The following CARNMT1 variants were observed in gnomAD, a reference collection of about 807,000 sequenced individuals.
CARNMT1 encodes carnosine N-methyltransferase 1, also known as protein-L-histidine N-pros-methyltransferase CARNMT1.
Under a neutral mutation model 49.6 loss-of-function variants are expected in CARNMT1, and 28 were observed. The ratio of observed to expected loss-of-function variants is 0.56; its 90% CI spans 0.42 to 0.77. CARNMT1 has a LOEUF of 0.77. Among genes scored for constraint, CARNMT1 ranks in the 30% least tolerant of loss-of-function variants. The pLI, the probability that CARNMT1 is intolerant of heterozygous loss-of-function variation, is 0.00. For synonymous variants in CARNMT1, 178 were observed against 175.0 expected, an observed-to-expected ratio of 1.02 and a Z score of -0.13; for missense variants, 421 against 512.6, an observed-to-expected ratio of 0.82 and a Z score of 1.73.
intron 5 of CARNMT1, 82 bp downstream of exon 5, chr9:74,998,516 C>T: frequency 8.5e-7 from 1 of 1,170,280 alleles, no homozygotes; most frequent in Non-Finnish European, 1.2e-6. Context: ...AATGAATGAT[C>T]TAAACCTTGG....
chr9:74,983,895 C>CA, intron 7 of CARNMT1, 27 bp from the exon 8 acceptor site: 1 of 1,505,776 alleles, frequency 6.6e-7, no homozygotes, highest in Non-Finnish European at 9.1e-7. Context: ...AATCATAATA[C>CA]TATGACAGTC....
chr9:74,984,007 G>A lies in CARNMT1; in HGVS notation c.1129-139C>T. The A allele has an allele frequency of 1.5e-5, 7 of 465,122 alleles. No individual in the cohort carries two copies. The South Asian group carries it at 4.0e-4, about 26-fold the overall frequency. The allele number at this position is 465,122 out of a possible 1,614,324, so 28.8% of individuals were successfully genotyped here. ...TACATACAACTACCCCCATAAGAGA[G>A]GTACTATTAATATTAGTAGTCTCAC... On this transcript the variant is annotated intron_variant, in intron 7 of 7. Transcript: ENST00000376834.
chr9:75,028,175 C>T lies in CARNMT1; in HGVS notation c.67G>A (p.Gly23Ser). ...RLPEGCGGGG[G>S]GSEEVEVQFS... ...TGCACTTCCACCTCCTCGCTGCCAC[C>T]GCCTCCTCCCCCGCAGCCCTCGGGC... The change falls in exon 1 of 8, where the codon GGT becomes AGT. Residue 23 changes from glycine to serine, a missense_variant. Gly to Ser is a moderately conservative substitution (Grantham distance 56). Transcript: ENST00000376834. 1 of 1,520,914 alleles carries T rather than the reference C, an allele frequency of 6.6e-7. No individual in the cohort carries two copies. The allele number at this position is 1,520,914 out of a possible 1,614,324, so 94.2% of individuals were successfully genotyped here. A position where few individuals can be genotyped will look rare whatever the true frequency, so the allele number is the denominator to read the frequency against.
At position 74,983,003 on chromosome 9, in the gene CARNMT1, T is replaced by C. The variant is rs188355474; in HGVS notation, c.*764A>G. On this transcript the variant is annotated 3_prime_UTR_variant, in exon 8 of 8. Transcript: ENST00000376834. ...GCCTGTGATGCTATTAAATTTAACA[T>C]TTCATAAAAAAGAAATGTTTGATGC... The C allele has an allele frequency of 1.3e-5, 2 of 152,306 alleles. No homozygotes were observed. The highest frequency in any genetic ancestry group is 4.8e-5 in the African/African-American group (2 of 41,560). 9.4% of individuals were successfully genotyped at this position (152,306 alleles called of 1,614,324 possible).
At chr9:74,990,213 C>T (rs895288248) in intron 6 of CARNMT1, among the ~76,000 whole-genome samples, 2 of 152,050 alleles carry the variant, frequency 1.3e-5, no homozygotes, top group South Asian at 2.1e-4. Context: ...AAACTGTGCA[C>T]AGTATTAAAA....
At chr9:75,023,682 C>T (rs554042156) in intron 1 of CARNMT1, among the ~76,000 whole-genome samples, 1 of 152,352 alleles carries the variant, frequency 6.6e-6, no homozygotes, top group Non-Finnish European at 1.5e-5. Flanking sequence ...CATGCTTACG[C>T]TATCAGAATT....
At chr9:75,009,692 C>G (rs1295605460) in intron 3 of CARNMT1, 1 of 152,156 alleles carries the variant, frequency 6.6e-6, no homozygotes, top group Non-Finnish European at 1.5e-5. Flanking sequence ...CTCCCCACCC[C>G]CCAGCCCACT....
intron 7 of CARNMT1, among the ~76,000 whole-genome samples, chr9:74,984,679 C>T (rs1024393223): frequency 6.6e-5 from 10 of 152,112 alleles, no homozygotes; most frequent in African/African-American, 2.4e-4. Context: ...TCAGTCCCCT[C>T]CCAAGATATG....
chr9:74,987,754 G>C (rs541842075), intron 6 of CARNMT1, among the ~76,000 whole-genome samples: 2 of 151,874 alleles, frequency 1.3e-5, no homozygotes, highest in South Asian at 4.2e-4. Flanking sequence ...TTTGTAAAAA[G>C]GGTGAATTTT....
At chr9:75,020,414 C>A (rs532770021) in intron 1 of CARNMT1, among the ~76,000 whole-genome samples, 1 of 151,580 alleles carries the variant, frequency 6.6e-6, no homozygotes, top group African/African-American at 2.4e-5. Flanking sequence ...ACTACAGGTG[C>A]GCGCCACCAT....
chr9:75,027,697 A>C (rs1395832228), intron 1 of CARNMT1, among the ~76,000 whole-genome samples: 1 of 152,242 alleles, frequency 6.6e-6, no homozygotes, highest in Non-Finnish European at 1.5e-5. Context: ...AAATTGTTAC[A>C]GCGCTTCTCT....
Position 75,006,743 on chromosome 9 carries a change from C to T in CARNMT1, c.591-6873G>A, listed in dbSNP as rs773798547. On this transcript the variant is annotated intron_variant, in intron 3 of 7. Transcript: ENST00000376834. ...TGCAAAATGTTTTAGTTATTCAGAACGGTTTTAAATTATTTTTATTTAAAA... is the reference window on the plus strand; with the variant it reads ...TGCAAAATGTTTTAGTTATTCAGAATGGTTTTAAATTATTTTTATTTAAAA... Among the ~76,000 whole-genome samples, 80 of 152,238 alleles carry T rather than the reference C, an allele frequency of 5.3e-4. 1 individual carries two copies. Among genetic ancestry groups the T allele is most frequent in the Non-Finnish European group, 4.6e-4 (31 of 67,996 alleles).
rs553710594 is a variant in CARNMT1 at position 75,015,428 on chromosome 9, T to TG, written c.590+839dup. Reference sequence around the variant, plus strand: ...TCACAAATTTACTTTTTAAATATTTTGATAACTGTATTTCAAAATCAGTTT... The same window carrying TG: ...TCACAAATTTACTTTTTAAATATTTTGGATAACTGTATTTCAAAATCAGTTT... On this transcript the variant is annotated intron_variant, in intron 3 of 7. Transcript: ENST00000376834. 3.4e-4 allele frequency among the ~76,000 whole-genome samples: 52 copies of TG among 152,340 alleles called. 1 individual carries two copies. The highest frequency in any genetic ancestry group is 3.4e-3 in the Middle Eastern group (1 of 294).
rs1349339260 is a variant in CARNMT1, at chr9:74,994,556, T to A, written c.1024+1891A>T. 2.6e-5 allele frequency among the ~76,000 whole-genome samples: 4 copies of A among 152,120 alleles called. No homozygotes were observed. In the East Asian group the frequency reaches 7.7e-4, roughly 29 times the overall value. ...ATACTGGCTTGGAGCACAAGAGAGA[T>A]GTTTGGACCAGAGATACAGATTGGG... On this transcript the variant is annotated intron_variant, in intron 6 of 7. Transcript: ENST00000376834.
rs181864173 is a variant in CARNMT1, at chr9:75,003,963, C to A, written c.591-4093G>T. On this transcript the variant is annotated intron_variant, in intron 3 of 7. Coordinates refer to ENST00000376834, the MANE Select transcript of CARNMT1 (RefSeq NM_152420.3). ...CAATCTTGACTCACTGCAACCTCCG[C>A]CTCCAGGGTTAAAGCAATTCTCCTG... is the stretch of plus-strand genomic sequence containing the variant. Among the ~76,000 whole-genome samples, 33 of 152,362 alleles carry A rather than the reference C, an allele frequency of 2.2e-4. No homozygotes were observed. The East Asian group carries it at 6.0e-3, about 28-fold the overall frequency.
At chr9:75,009,700 A>G (rs1376426065) in intron 3 of CARNMT1, 1 of 151,356 alleles carries the variant, frequency 6.6e-6, no homozygotes, top group Non-Finnish European at 1.5e-5. Context: ...CCCCCAGCCC[A>G]CTAGTGGCCT....
intron 1 of CARNMT1, among the ~76,000 whole-genome samples, chr9:75,024,110 C>G (rs1192606869): frequency 6.6e-6 from 1 of 152,198 alleles, no homozygotes; most frequent in Non-Finnish European, 1.5e-5. Flanking sequence ...CACACCAGGT[C>G]TGATCTAAAG....
At chr9:75,008,188 A>C (rs1032378548) in intron 3 of CARNMT1, among the ~76,000 whole-genome samples, 3 of 151,370 alleles carry the variant, frequency 2.0e-5, no homozygotes, top group Non-Finnish European at 4.4e-5. Flanking sequence ...AAAAAAAAAA[A>C]AAAAAAAACC....
intron 3 of CARNMT1, chr9:75,016,052 C>A: frequency 2.5e-6 from 1 of 404,570 alleles, no homozygotes. Context: ...TATTTAATTT[C>A]TAAGTAATTT....
Sources: gnomAD v4.1 joint callset for allele counts (sites outside exome capture counted in the v4.1 genomes callset) on GRCh38, gnomAD v4.1.1 for gene constraint, MANE v1.5 for transcripts, NCBI Gene and HGNC (gene_info 2026-07-23, HGNC 2026-07-21) for gene names.